ANKHD1: variants seen among roughly 807,000 people sequenced by gnomAD.
ANKHD1 encodes ankyrin repeat and KH domain containing 1.
A neutral mutation model predicts 230.5 loss-of-function variants in ANKHD1; 31 were observed. The observed-to-expected ratio is 0.13, with a 90% confidence interval of 0.10 to 0.18. The LOEUF (loss-of-function observed/expected upper bound fraction) is 0.18, where lower values mean the gene tolerates loss of function less well. Among genes scored for constraint, ANKHD1 ranks in the 10% least tolerant of loss-of-function variants. The pLI is 1.00. For synonymous variants in ANKHD1, 1,074 were observed against 1,117.6 expected, an observed-to-expected ratio of 0.96 and a Z score of 0.78; for missense variants, 2,256 against 3,071.3, an observed-to-expected ratio of 0.73 and a Z score of 6.27.
intron 15 of ANKHD1, among the ~76,000 whole-genome samples, chr5:140,503,771 T>C (rs1752422673): frequency 6.6e-6 from 1 of 151,700 alleles, no homozygotes; most frequent in South Asian, 2.1e-4. Flanking sequence ...TTTGCCATGG[T>C]AGCCAGGCTG....
intron 24 of ANKHD1, among the ~76,000 whole-genome samples, chr5:140,523,187 A>G (rs573962355): frequency 1.4e-5 from 2 of 141,810 alleles, no homozygotes; most frequent in Admixed American, 7.6e-5. Context: ...ATTATAGCTC[A>G]CTAGAGCCTC....
intron 23 of ANKHD1, 41 bp downstream of exon 23, chr5:140,512,964 T>C (rs752398903): frequency 6.6e-7 from 1 of 1,523,636 alleles, no homozygotes; most frequent in Admixed American, 2.2e-5. Context: ...TTGTTCTTTG[T>C]GGAATGATAT....
chr5:140,403,140 T>C (rs1422919647), intron 1 of ANKHD1, among the ~76,000 whole-genome samples: 1 of 151,248 alleles, frequency 6.6e-6, no homozygotes, highest in Non-Finnish European at 1.5e-5. Context: ...CGACTAATTT[T>C]GTATTTTTAT....
intron 15 of ANKHD1, among the ~76,000 whole-genome samples, chr5:140,499,611 A>G (rs973368981): frequency 2.0e-5 from 3 of 152,108 alleles, no homozygotes; most frequent in African/African-American, 7.2e-5. Context: ...TTGCAACTTG[A>G]TTAGCTGATT....
intron 6 of ANKHD1, among the ~76,000 whole-genome samples, chr5:140,448,851 C>A (rs934627607): frequency 6.6e-6 from 1 of 152,086 alleles, no homozygotes; most frequent in Non-Finnish European, 1.5e-5. Context: ...TATTTTAAAG[C>A]TGTTTTTCTG....
chr5:140,458,199 C>T lies in ANKHD1; in HGVS notation c.1243-426C>T, dbSNP rs560863436. Among the ~76,000 whole-genome samples, 15 of 152,172 alleles carry T rather than the reference C, an allele frequency of 9.9e-5. 1 individual carries two copies. Among genetic ancestry groups the T allele is most frequent in the South Asian group, 8.3e-4 (4 of 4,824 alleles). On this transcript the variant is annotated intron_variant, in intron 7 of 33. Coordinates refer to ENST00000360839, the MANE Select transcript of ANKHD1 (RefSeq NM_017747.3). ...CTTTGTTTCTGAAATAGATGTAATA[C>T]GGTTTCTACATTTGAATATGACTCC...
At chr5:140,492,320 A>C (rs968477601) in intron 14 of ANKHD1, among the ~76,000 whole-genome samples, 7 of 152,194 alleles carry the variant, frequency 4.6e-5, no homozygotes, top group Non-Finnish European at 1.0e-4. Flanking sequence ...ATCTGTTAAC[A>C]TGTAACACAG....
Position 140,485,937 on chromosome 5 carries a change from T to C in ANKHD1, c.2142+205T>C. 1.4e-6 allele frequency: 1 copy of C among 723,272 alleles called. No homozygotes were observed. The highest frequency in any genetic ancestry group is 2.1e-6 in the Non-Finnish European group (1 of 483,508). 44.8% of individuals were successfully genotyped at this position (723,272 alleles called of 1,614,324 possible). The stretch of plus-strand genomic sequence containing the variant: ...TTGCCTTATTTATTGAGAATAGTGG[T>C]TTTTAAAAACCACTTAATATCAAAT... On this transcript the variant is annotated intron_variant, in intron 13 of 33. Transcript: ENST00000360839. The surrounding 1 kb of genome is among the most constrained non-coding windows in gnomAD (Gnocchi z 4.8).
At chr5:140,447,254 G>A (rs1297132407) in intron 6 of ANKHD1, among the ~76,000 whole-genome samples, 1 of 151,906 alleles carries the variant, frequency 6.6e-6, no homozygotes, top group Non-Finnish European at 1.5e-5. Context: ...CCAGGACGGA[G>A]TGCAGTGGCA....
intron 7 of ANKHD1, among the ~76,000 whole-genome samples, chr5:140,456,197 A>G (rs967411688): frequency 6.6e-6 from 1 of 152,218 alleles, no homozygotes; most frequent in Non-Finnish European, 1.5e-5. Flanking sequence ...ACCACTGCTC[A>G]AGGAAATAAA....
At chr5:140,408,932 C>T (rs1171125970) in intron 1 of ANKHD1, among the ~76,000 whole-genome samples, 6 of 152,264 alleles carry the variant, frequency 3.9e-5, no homozygotes, top group African/African-American at 1.4e-4. Context: ...TCAAGAGCAA[C>T]ATATAGACAT....
At chr5:140,446,363 G>T (rs1774280837) in intron 6 of ANKHD1, among the ~76,000 whole-genome samples, 1 of 151,980 alleles carries the variant, frequency 6.6e-6, no homozygotes, top group Admixed American at 6.6e-5. Context: ...ACAAAGAAAA[G>T]AAATTTTTTG....
chr5:140,524,024 T>G (rs1202137027), intron 24 of ANKHD1, 42 bp from the exon 25 acceptor site: 3 of 1,535,156 alleles, frequency 2.0e-6, no homozygotes, highest in Non-Finnish European at 2.6e-6. Flanking sequence ...TATTTTACAT[T>G]ACTGCCTTAT....
chr5:140,438,531 C>A lies in ANKHD1; in HGVS notation c.531C>A (p.Ser177=). The part of the protein sequence containing the change: ...ADPEVLRRLT[S]SVSCALDEAA... ...CTGAGGTACTCCGGAGACTGACATC[C>A]TCAGTTAGTTGTGCACTGGATGAAG... Residue 177 remains serine, a synonymous_variant, in exon 3 of 34, where the codon TCC becomes TCA. Coordinates refer to ENST00000360839, the MANE Select transcript of ANKHD1 (RefSeq NM_017747.3). 6.2e-7 allele frequency: 1 copy of A among 1,613,380 alleles called. No individual in the cohort carries two copies.
chr5:140,526,273 T>C lies in ANKHD1; in HGVS notation c.4770T>C (p.Asn1590=), dbSNP rs1753603619. 6.2e-7 allele frequency: 1 copy of C among 1,614,196 alleles called. No homozygotes were observed. The highest frequency in any genetic ancestry group is 8.5e-7 in the Non-Finnish European group (1 of 1,180,042). ...GEPRGGGAGG[N]SDSDNLDSTD... ...CTAGAGGTGGTGGTGCAGGTGGGAA[T>C]AGTGATTCAGATAACTTGGACAGCA... Residue 1590 remains asparagine (N), a synonymous_variant, in exon 26 of 34, where the codon AAT becomes AAC. Transcript: ENST00000360839.
chr5:140,514,994 C>T (rs1752930884), intron 24 of ANKHD1, among the ~76,000 whole-genome samples: 1 of 149,836 alleles, frequency 6.7e-6, no homozygotes, highest in Admixed American at 6.7e-5. Context: ...AAAAAAGGTC[C>T]TGTCTGGGCG....
chr5:140,422,041 T>G (rs1772021493), intron 1 of ANKHD1, among the ~76,000 whole-genome samples: 1 of 152,240 alleles, frequency 6.6e-6, no homozygotes, highest in African/African-American at 2.4e-5. Context: ...GACTTCTTCA[T>G]GAACTCACAT....
chr5:140,493,749 A>G (rs963205149), intron 14 of ANKHD1, among the ~76,000 whole-genome samples: 1 of 152,154 alleles, frequency 6.6e-6, no homozygotes, highest in East Asian at 1.9e-4. Flanking sequence ...TTAATGCTAC[A>G]TACGTTCTGG....
rs1236166806 is a variant in ANKHD1, at chr5:140,526,371, C to T, written c.4868C>T (p.Ser1623Phe). Residue 1623 changes from serine to phenylalanine, a missense_variant, in exon 26 of 34, where the codon TCT becomes TTT. By Grantham distance (155) the Ser-to-Phe change is radical (BLOSUM62 -2). Transcript: ENST00000360839. ...AATTTTGTGATGGATGTGAATTCCTCTAAATACCCCTCACTGCTCCTTCAT... is the reference window on the plus strand; with the variant it reads ...AATTTTGTGATGGATGTGAATTCCTTTAAATACCCCTCACTGCTCCTTCAT... The part of the protein sequence containing the change: ...ELNFVMDVNS[S>F]KYPSLLLHSQ... 6.2e-7 allele frequency: 1 copy of T among 1,614,160 alleles called. No individual in the cohort carries two copies. Among genetic ancestry groups the T allele is most frequent in the Admixed American group, 1.7e-5 (1 of 60,010 alleles).
Sources: allele counts gnomAD v4.1 joint callset (sites outside exome capture counted in the v4.1 genomes callset), GRCh38; gene constraint gnomAD v4.1.1; non-coding constraint Gnocchi (gnomAD v3.1); transcripts MANE v1.5; gene names NCBI Gene and HGNC (gene_info 2026-07-23, HGNC 2026-07-21).